Variants in CDK17 observed in about 807,000 individuals in gnomAD.
CDK17 encodes the protein cyclin-dependent kinase 17.
Under a neutral mutation model 77.6 loss-of-function variants are expected in CDK17, and 24 were observed. The observed-to-expected ratio is 0.31, with a 90% CI of 0.22 to 0.44. The LOEUF (loss-of-function observed/expected upper bound fraction) is 0.44. CDK17 is among the 20% of genes least tolerant of loss of function. The pLI is 1.00. For synonymous variants in CDK17, 203 were observed against 210.4 expected, an observed-to-expected ratio of 0.96 and a Z score of 0.30; for missense variants, 429 against 622.5, an observed-to-expected ratio of 0.69 and a Z score of 3.31.
intron 1 of CDK17, among the ~76,000 whole-genome samples, chr12:96,380,124 G>A (rs1953852502): frequency 6.7e-6 from 1 of 149,468 alleles, no homozygotes; most frequent in Non-Finnish European, 1.5e-5. Flanking sequence ...AGCCATGATA[G>A]CACCAATGCA....
intron 1 of CDK17, among the ~76,000 whole-genome samples, chr12:96,352,844 T>C (rs1026854328): frequency 1.3e-5 from 2 of 152,204 alleles, no homozygotes; most frequent in Non-Finnish European, 2.9e-5. Context: ...GCTACTCAAA[T>C]AGATGACAAT....
chr12:96,383,412 A>AAAC (rs1188342732), intron 1 of CDK17, among the ~76,000 whole-genome samples: 2 of 151,626 alleles, frequency 1.3e-5, no homozygotes, highest in Admixed American at 6.6e-5. Context: ...AAGAAAAAAA[A>AAAC]AAAAAACTCT....
At chr12:96,291,398 C>T (rs952236254) in intron 10 of CDK17, among the ~76,000 whole-genome samples, 22 of 151,976 alleles carry the variant, frequency 1.4e-4, no homozygotes, top group Admixed American at 5.2e-4. Context: ...CACAACTGAT[C>T]CTACCATCTC....
At chr12:96,298,137 G>A (rs1952438704) in intron 7 of CDK17, among the ~76,000 whole-genome samples, 1 of 151,788 alleles carries the variant, frequency 6.6e-6, no homozygotes, top group Admixed American at 6.6e-5. Context: ...ACAAAAAAAA[G>A]TTAGCCGGGC....
At chr12:96,337,188 T>G (rs187780361) in intron 1 of CDK17, among the ~76,000 whole-genome samples, 56 of 152,266 alleles carry the variant, frequency 3.7e-4, no homozygotes, top group African/African-American at 1.2e-3. Context: ...TGATTTGTCC[T>G]CACTCTATGG....
rs546048077 is a variant in CDK17, at chr12:96,348,989, G to GT, written c.-29-14125dup. Among the ~76,000 whole-genome samples the GT allele has an allele frequency of 2.2e-4, 34 of 152,128 alleles. No individual in the cohort carries two copies. The South Asian group carries it at 6.4e-3, about 29-fold the overall frequency. On this transcript the variant is annotated intron_variant, in intron 1 of 16. Coordinates refer to ENST00000261211, the MANE Select transcript of CDK17 (RefSeq NM_002595.5). ...GACACCAAAGCCAAACAAAGACATC[G>GT]TAAGAAAAGAAAATTTTACAAGTCA...
chr12:96,304,827 T>A (rs193245333), intron 5 of CDK17, among the ~76,000 whole-genome samples: 1 of 150,616 alleles, frequency 6.6e-6, no homozygotes, highest in East Asian at 2.0e-4. Context: ...CATCTTATAT[T>A]TCTAATTGCT....
In CDK17 at chr12:96,400,206, A is replaced by C. The variant is rs1688892487; in HGVS notation, c.-250T>G. ...GCCGCGGGTGTCTCACGCGTTGCCAAGTCCCTCGGTCAACATGGCTCCCGC... is the reference window on the plus strand; with the variant it reads ...GCCGCGGGTGTCTCACGCGTTGCCACGTCCCTCGGTCAACATGGCTCCCGC... On this transcript the variant is annotated 5_prime_UTR_variant, in exon 1 of 17. Transcript: ENST00000261211. 1 of 394,524 alleles carries C rather than the reference A, an allele frequency of 2.5e-6. No individual in the cohort carries two copies. Among genetic ancestry groups the C allele is most frequent in the African/African-American group, 2.1e-5 (1 of 48,370 alleles). 24.4% of individuals were successfully genotyped at this position (394,524 alleles called of 1,614,324 possible). A position where few individuals can be genotyped will look rare whatever the true frequency, so the allele number is the denominator to read the frequency against.
In CDK17 at chr12:96,363,652, C is replaced by G. The variant is rs574841685; in HGVS notation, c.-29-28787G>C. The stretch of plus-strand genomic sequence containing the variant: ...CATGAGGTCAGGAGATCAAGACCAT[C>G]CTAGCTAACACAGTGAAAGCCTGTC... On this transcript the variant is annotated intron_variant, in intron 1 of 16. Transcript: ENST00000261211. Among the ~76,000 whole-genome samples the G allele has an allele frequency of 4.1e-3, 621 of 152,092 alleles. 4 individuals carry two copies. Among genetic ancestry groups the G allele is most frequent in the Middle Eastern group, 0.024 (7 of 294 alleles).
intron 5 of CDK17, among the ~76,000 whole-genome samples, chr12:96,307,889 AC>A (rs1401803741): frequency 1.3e-5 from 2 of 152,126 alleles, no homozygotes; most frequent in Non-Finnish European, 2.9e-5. Flanking sequence ...ACACACACAC[AC>A]ACAAAAAATG....
At chr12:96,312,795 G>A (rs1006156775) in intron 4 of CDK17, among the ~76,000 whole-genome samples, 1 of 151,896 alleles carries the variant, frequency 6.6e-6, no homozygotes, top group African/African-American at 2.4e-5. Context: ...CCTTTTACAC[G>A]GAGAAATAAA....
chr12:96,280,485 G>A (rs1226851392), intron 16 of CDK17: 39 of 1,410,454 alleles, frequency 2.8e-5, no homozygotes, highest in Non-Finnish European at 3.5e-5. Flanking sequence ...GATGACTAGG[G>A]AAGCACAAGA....
chr12:96,337,833 A>G (rs750692531), intron 1 of CDK17, among the ~76,000 whole-genome samples: 11 of 152,176 alleles, frequency 7.2e-5, no homozygotes, highest in Non-Finnish European at 1.2e-4. Context: ...CATCCTGTGC[A>G]GTCAAGAAAT....
At chr12:96,399,697 G>A (rs1469078773) in intron 1 of CDK17, among the ~76,000 whole-genome samples, 2 of 152,144 alleles carry the variant, frequency 1.3e-5, no homozygotes, top group East Asian at 1.9e-4. Flanking sequence ...CACCGGAGGC[G>A]GCGGCGTCTA....
intron 1 of CDK17, among the ~76,000 whole-genome samples, chr12:96,394,790 C>T (rs1954140671): frequency 7.1e-6 from 1 of 139,888 alleles, no homozygotes; most frequent in African/African-American, 2.6e-5. Flanking sequence ...GAGGGAGAGA[C>T]TCCGTCTCAA....
chr12:96,379,162 G>T (rs971237589), intron 1 of CDK17, among the ~76,000 whole-genome samples: 2 of 152,094 alleles, frequency 1.3e-5, no homozygotes, highest in Non-Finnish European at 2.9e-5. Context: ...TAAAATGGAG[G>T]TATTTCAAGT....
intron 11 of CDK17, among the ~76,000 whole-genome samples, chr12:96,288,244 A>G (rs1480582959): frequency 6.6e-6 from 1 of 152,224 alleles, no homozygotes; most frequent in African/African-American, 2.4e-5. Context: ...CATTTTACAT[A>G]AACTGTTCAA....
At chr12:96,347,613 GA>G in intron 1 of CDK17, among the ~76,000 whole-genome samples, 2 of 30,848 alleles carry the variant, frequency 6.5e-5, no homozygotes, top group African/African-American at 1.0e-4. Flanking sequence ...GAAGGGAGGG[GA>G]AGGGAGGGGA....
intron 1 of CDK17, among the ~76,000 whole-genome samples, chr12:96,371,963 A>G (rs928619511): frequency 1.3e-5 from 2 of 149,848 alleles, no homozygotes; most frequent in African/African-American, 4.9e-5. Flanking sequence ...ATCATGTTAA[A>G]AAGAGGGGGG....
Sources: gnomAD v4.1 joint callset for allele counts (sites outside exome capture counted in the v4.1 genomes callset) on GRCh38, gnomAD v4.1.1 for gene constraint, MANE v1.5 for transcripts, NCBI Gene and HGNC (gene_info 2026-07-23, HGNC 2026-07-21) for gene names.